FHOD3: variants seen among roughly 807,000 people sequenced by gnomAD.
FHOD3 encodes formin homology 2 domain containing 3.
A neutral mutation model predicts 173.0 loss-of-function variants in FHOD3; 90 were observed. The observed-to-expected ratio is 0.52, with a 90% CI of 0.44 to 0.62. FHOD3 has a LOEUF of 0.62. FHOD3 is among the 20% of genes least tolerant of loss of function. The probability of loss-of-function intolerance (pLI) is 0.00; values close to 1 mark genes in which losing one functional copy is unlikely to be tolerated. For missense variants in FHOD3, 1,945 were observed against 2,034.7 expected, an observed-to-expected ratio of 0.96 and a Z score of 0.85; for synonymous variants, 828 against 823.0, an observed-to-expected ratio of 1.01 and a Z score of -0.10.
At chr18:36,358,372 T>C (rs1386633678) in intron 2 of FHOD3, among the ~76,000 whole-genome samples, 2 of 152,192 alleles carry the variant, frequency 1.3e-5, no homozygotes, top group Non-Finnish European at 2.9e-5. Context: ...GCGACACCTG[T>C]CTCCAGATGC....
chr18:36,306,557 T>TA (rs1401203277), intron 1 of FHOD3, among the ~76,000 whole-genome samples: 2 of 152,200 alleles, frequency 1.3e-5, no homozygotes, highest in Non-Finnish European at 2.9e-5. Flanking sequence ...AAGAGACATT[T>TA]AAAAAATAAG....
At chr18:36,477,832 C>T (rs1239041389) in intron 3 of FHOD3, among the ~76,000 whole-genome samples, 1 of 152,034 alleles carries the variant, frequency 6.6e-6, no homozygotes, top group African/African-American at 2.4e-5. Context: ...GGGTGTGGTT[C>T]TTGGCACAGG....
At chr18:36,494,706 C>T (rs1599376587) in intron 3 of FHOD3, among the ~76,000 whole-genome samples, 1 of 152,182 alleles carries the variant, frequency 6.6e-6, no homozygotes, top group Non-Finnish European at 1.5e-5. Context: ...TGGCTGCTGG[C>T]CACCCCTTGG....
At chr18:36,380,750 T>C (rs1684079074) in intron 3 of FHOD3, among the ~76,000 whole-genome samples, 1 of 151,710 alleles carries the variant, frequency 6.6e-6, no homozygotes, top group South Asian at 2.1e-4. Flanking sequence ...GCTACAAAGG[T>C]TATTAGTTTG....
intron 1 of FHOD3, among the ~76,000 whole-genome samples, chr18:36,336,721 C>T (rs1352687874): frequency 2.6e-5 from 4 of 150,994 alleles, no homozygotes; most frequent in African/African-American, 9.8e-5. Flanking sequence ...TGGTGACATG[C>T]ACCTGTAATC....
chr18:36,692,104 G>T (rs983250003), intron 16 of FHOD3, among the ~76,000 whole-genome samples: 1 of 152,228 alleles, frequency 6.6e-6, no homozygotes, highest in South Asian at 2.1e-4. Flanking sequence ...ACTGCCTTTG[G>T]GCTGGCAGGG....
intron 3 of FHOD3, among the ~76,000 whole-genome samples, chr18:36,500,645 G>C (rs908112452): frequency 2.0e-5 from 3 of 152,228 alleles, no homozygotes; most frequent in African/African-American, 7.2e-5. Context: ...TACAGATGGA[G>C]AATCCAAGGC....
intron 8 of FHOD3, 111 bp downstream of exon 8, chr18:36,602,879 T>C: frequency 1.2e-6 from 1 of 822,214 alleles, no homozygotes; most frequent in Non-Finnish European, 2.0e-6. Flanking sequence ...TCGTAGCAGA[T>C]ATAATCTGGT....
At chr18:36,369,685 G>A (rs2047083372) in intron 2 of FHOD3, among the ~76,000 whole-genome samples, 1 of 151,762 alleles carries the variant, frequency 6.6e-6, no homozygotes, top group Non-Finnish European at 1.5e-5. Flanking sequence ...GTCTTATATG[G>A]TCTTGTATTA....
In FHOD3 at chr18:36,772,732, C is replaced by T. The variant is rs569004955; in HGVS notation, c.4786+3306C>T. Among the ~76,000 whole-genome samples, 21 of 152,316 alleles carry T rather than the reference C, an allele frequency of 1.4e-4. No homozygotes were observed. The East Asian group carries it at 4.0e-3, about 29-fold the overall frequency. ...AGGTTCCCATGGCTCAGGTCGGCTG[C>T]TCTCCCAGCTGGTGCCAATCAGGGG... On this transcript the variant is annotated intron_variant, in intron 28 of 28. Transcript: ENST00000590592.
chr18:36,363,910 G>C (rs562031395), intron 2 of FHOD3, among the ~76,000 whole-genome samples: 21 of 151,260 alleles, frequency 1.4e-4, no homozygotes, highest in African/African-American at 3.6e-4. Flanking sequence ...GGGCAGTGTG[G>C]ATATATGAGA....
At chr18:36,363,982 G>C (rs1233245800) in intron 2 of FHOD3, among the ~76,000 whole-genome samples, 1 of 152,090 alleles carries the variant, frequency 6.6e-6, no homozygotes, top group African/African-American at 2.4e-5. Context: ...AAAATCAGTG[G>C]ATAATTATAC....
intron 3 of FHOD3, among the ~76,000 whole-genome samples, chr18:36,482,858 C>CACACACACACACAGAGAGAGAGAGAG (rs1400178557): frequency 7.7e-6 from 1 of 130,374 alleles, no homozygotes; most frequent in African/African-American, 3.1e-5. Flanking sequence ...CACACACACA[C>CACACACACACACAGAGAGAGAGAGAG]AGAGAGAGAG....
At chr18:36,560,819 A>G (rs1599659827) in intron 5 of FHOD3, among the ~76,000 whole-genome samples, 1 of 140,174 alleles carries the variant, frequency 7.1e-6, no homozygotes, top group Non-Finnish European at 1.5e-5. Flanking sequence ...GTGTGTAAAG[A>G]GCAGCTGTTT....
chr18:36,461,063 A>G (rs1405910322), intron 3 of FHOD3, among the ~76,000 whole-genome samples: 1 of 152,130 alleles, frequency 6.6e-6, no homozygotes, highest in Non-Finnish European at 1.5e-5. Flanking sequence ...GAGGGACTGA[A>G]TAGCTCACGG....
intron 3 of FHOD3, among the ~76,000 whole-genome samples, chr18:36,422,148 C>T (rs971359330): frequency 4.7e-4 from 71 of 152,160 alleles, no homozygotes; most frequent in Admixed American, 5.2e-4. Flanking sequence ...TCAAACTTCC[C>T]ACTTGGCCGC....
chr18:36,770,248 G>C (rs929882930), intron 28 of FHOD3, among the ~76,000 whole-genome samples: 4 of 152,214 alleles, frequency 2.6e-5, no homozygotes, highest in Non-Finnish European at 5.9e-5. Context: ...ATAAGGGTTA[G>C]TGACAAGGAA....
chr18:36,565,804 T>A (rs1266390221), intron 5 of FHOD3, among the ~76,000 whole-genome samples: 1 of 152,162 alleles, frequency 6.6e-6, no homozygotes, highest in African/African-American at 2.4e-5. Context: ...TACTCACACA[T>A]CAGTGAGAGG....
chr18:36,636,129 CA>C (rs1319625427), intron 10 of FHOD3, among the ~76,000 whole-genome samples: 3 of 152,212 alleles, frequency 2.0e-5, no homozygotes, highest in African/African-American at 7.2e-5. Flanking sequence ...CCAAACCCCA[CA>C]TCTCCTGTAA....
Sources: allele counts gnomAD v4.1 joint callset (sites outside exome capture counted in the v4.1 genomes callset), GRCh38; gene constraint gnomAD v4.1.1; transcripts MANE v1.5; gene names NCBI Gene and HGNC (gene_info 2026-07-23, HGNC 2026-07-21).